PDK1: variants seen among roughly 807,000 people sequenced by gnomAD.
PDK1 encodes the protein pyruvate dehydrogenase kinase 1.
PDK1 carries 39 observed loss-of-function variants against 54.2 expected under a neutral mutation model. The ratio of observed to expected loss-of-function variants is 0.72; its 90% CI spans 0.56 to 0.94. PDK1 has a LOEUF of 0.94. Ranked by LOEUF, PDK1 falls within the 40% of genes least tolerant of loss-of-function variation. The pLI, the probability that PDK1 is intolerant of heterozygous loss-of-function variation, is 0.00. For synonymous variants in PDK1, 221 were observed against 207.1 expected, an observed-to-expected ratio of 1.07 and a Z score of -0.58; for missense variants, 552 against 566.0, an observed-to-expected ratio of 0.98 and a Z score of 0.25.
At chr2:172,582,099 G>A (rs192707712) in intron 8 of PDK1, among the ~76,000 whole-genome samples, 1 of 152,224 alleles carries the variant, frequency 6.6e-6, no homozygotes, top group Non-Finnish European at 1.5e-5. Context: ...TTTTAGTAGA[G>A]ACAGAGTTTC....
chr2:172,570,364 T>A (rs57418091), intron 7 of PDK1, among the ~76,000 whole-genome samples: 10,815 of 152,278 alleles, frequency 0.071, 1,247 homozygotes, highest in East Asian at 0.54. Context: ...GACAGTTTTT[T>A]AAATAGTTCT....
intron 2 of PDK1, among the ~76,000 whole-genome samples, chr2:172,560,115 G>A (rs552455057): frequency 2.0e-4 from 31 of 152,288 alleles, no homozygotes; most frequent in African/African-American, 6.3e-4. Context: ...AAAGTGCAGG[G>A]ATTATGGGCA....
the PDK1 span, among the ~76,000 whole-genome samples, chr2:172,643,136 T>G: frequency 1.3e-5 from 2 of 152,198 alleles, no homozygotes; most frequent in East Asian, 1.9e-4. Context: ...TAGTTCTTTT[T>G]GGAATGTCAT....
the PDK1 span, among the ~76,000 whole-genome samples, chr2:172,686,176 A>G: frequency 6.6e-6 from 1 of 152,240 alleles, no homozygotes; most frequent in Non-Finnish European, 1.5e-5. Context: ...AAGGATATCA[A>G]CAGGAATCGT....
chr2:172,651,888 T>C, the PDK1 span, among the ~76,000 whole-genome samples: 18,469 of 151,566 alleles, frequency 0.12, 1,047 homozygotes, highest in East Asian at 0.49. Flanking sequence ...CTACCAGTGG[T>C]ATGAGGAAGA....
the PDK1 span, among the ~76,000 whole-genome samples, chr2:172,667,450 A>T: frequency 6.6e-6 from 1 of 152,322 alleles, no homozygotes; most frequent in African/African-American, 2.4e-5. Context: ...CAAATAAAGA[A>T]GGTGATTGGT....
At position 172,604,585 on chromosome 2, in the gene PDK1, T is replaced by C. The variant is rs1275915798; in HGVS notation, c.*8616T>C. On this transcript the variant is annotated 3_prime_UTR_variant, in exon 11 of 11. Transcript: ENST00000282077. ...CAGAAAAATCATGGCCTCTGGAGTT[T>C]TACTGAGGACTAGAGATAGCTAAGT... is the stretch of plus-strand genomic sequence containing the variant. 1 of 152,236 alleles carries C rather than the reference T, an allele frequency of 6.6e-6. No homozygotes were observed. The highest frequency in any genetic ancestry group is 1.5e-5 in the Non-Finnish European group (1 of 68,042). The allele number at this position is 152,236 out of a possible 1,614,324, so 9.4% of individuals were successfully genotyped here. A position where few individuals can be genotyped will look rare whatever the true frequency, so the allele number is the denominator to read the frequency against.
At chr2:172,660,325 C>T in the PDK1 span, among the ~76,000 whole-genome samples, 9 of 122,062 alleles carry the variant, frequency 7.4e-5, no homozygotes, top group East Asian at 2.6e-4. Flanking sequence ...GGCATGATCT[C>T]GGCTCACTGC....
intron 8 of PDK1, among the ~76,000 whole-genome samples, chr2:172,581,948 T>G (rs192207236): frequency 6.6e-6 from 1 of 152,292 alleles, no homozygotes; most frequent in Non-Finnish European, 1.5e-5. Context: ...AGTGTTATTC[T>G]GTTACCCAGG....
At chr2:172,571,242 T>C (rs1020829659) in intron 8 of PDK1, among the ~76,000 whole-genome samples, 1 of 152,192 alleles carries the variant, frequency 6.6e-6, no homozygotes, top group Non-Finnish European at 1.5e-5. Flanking sequence ...CTTTTACAGG[T>C]GTGGAGACTA....
At chr2:172,560,967 A>G (rs1224983794) in intron 2 of PDK1, among the ~76,000 whole-genome samples, 2 of 152,234 alleles carry the variant, frequency 1.3e-5, no homozygotes, top group African/African-American at 4.8e-5. Flanking sequence ...TTTTGTAAGC[A>G]TTATAGCGTA....
intron 2 of PDK1, among the ~76,000 whole-genome samples, chr2:172,559,874 T>A (rs922630110): frequency 6.6e-6 from 1 of 152,024 alleles, no homozygotes; most frequent in African/African-American, 2.4e-5. Context: ...GACAGGTTCT[T>A]ACTCTGTCAC....
At chr2:172,703,750 TTTTC>T in the PDK1 span, among the ~76,000 whole-genome samples, 6 of 143,844 alleles carry the variant, frequency 4.2e-5, no homozygotes, top group South Asian at 2.2e-4. Context: ...CTTTTTTTCT[TTTTC>T]TTTCTTTCTT....
At chr2:172,693,640 C>A in the PDK1 span, among the ~76,000 whole-genome samples, 1 of 152,136 alleles carries the variant, frequency 6.6e-6, no homozygotes, top group Non-Finnish European at 1.5e-5. Flanking sequence ...GGGCAGAGGA[C>A]AAACCTGTTT....
At chr2:172,583,132 G>A (rs188806395) in intron 8 of PDK1, among the ~76,000 whole-genome samples, 157 of 152,132 alleles carry the variant, frequency 1.0e-3, no homozygotes, top group African/African-American at 3.7e-3. Flanking sequence ...ACTAGCAAAT[G>A]TGCAGCAGAG....
chr2:172,668,362 T>C, the PDK1 span, among the ~76,000 whole-genome samples: 1 of 151,892 alleles, frequency 6.6e-6, no homozygotes, highest in Non-Finnish European at 1.5e-5. Flanking sequence ...TTCCCACTTA[T>C]ATCTCTACTT....
rs770913335 is a variant in PDK1 at position 172,595,836 on chromosome 2, C to T, written c.1178C>T (p.Ser393Leu). The T allele has an allele frequency of 3.7e-6, 6 of 1,613,552 alleles. No individual in the cohort carries two copies. Among genetic ancestry groups the T allele is most frequent in the Non-Finnish European group, 5.1e-6 (6 of 1,179,618 alleles). The change falls in exon 11 of 11, where the codon TCA becomes TTA. Residue 393 changes from serine to leucine, a missense_variant. Ser to Leu is a moderately radical substitution (Grantham distance 145, BLOSUM62 -2). Coordinates refer to ENST00000282077, the MANE Select transcript of PDK1 (RefSeq NM_002610.5). The part of the protein sequence containing the change: ...TDAVIYIKAL[S>L]TDSIERLPVY... ...TAGGTTTTTCTTTTTCAGGCTCTGTCAACAGACTCAATAGAAAGACTCCCA... is the reference window on the plus strand; with the variant it reads ...TAGGTTTTTCTTTTTCAGGCTCTGTTAACAGACTCAATAGAAAGACTCCCA...
At chr2:172,591,081 G>A (rs1440294156) in intron 9 of PDK1, among the ~76,000 whole-genome samples, 1 of 152,150 alleles carries the variant, frequency 6.6e-6, no homozygotes, top group African/African-American at 2.4e-5. Context: ...GTCAGTCCAG[G>A]GGTCCTTGAT....
rs61740556 is a variant in PDK1, at chr2:172,564,618, A to C, written c.526A>C (p.Asn176His). The C allele has an allele frequency of 3.3e-4, 529 of 1,614,024 alleles. 2 individuals are homozygous for C. Among genetic ancestry groups the C allele is most frequent in the Non-Finnish European group, 6.4e-5 (76 of 1,180,006 alleles). The change falls in exon 4 of 11, where the codon AAT becomes CAT. Residue 176 changes from asparagine (N) to histidine (H), a missense_variant. Coordinates refer to ENST00000282077, the MANE Select transcript of PDK1 (RefSeq NM_002610.5). Reference sequence around the variant, plus strand: ...TGGGGTGGATCCTGTCACCAGCCAGAATGTTCAGTACTTTTTGGATCGATT... The same window carrying C: ...TGGGGTGGATCCTGTCACCAGCCAGCATGTTCAGTACTTTTTGGATCGATT... Reference protein sequence around the residue: ...SFGVDPVTSQNVQYFLDRFYM... With the variant: ...SFGVDPVTSQHVQYFLDRFYM...
Sources: gnomAD v4.1 joint callset for allele counts (sites outside exome capture counted in the v4.1 genomes callset) on GRCh38, gnomAD v4.1.1 for gene constraint, MANE v1.5 for transcripts, NCBI Gene and HGNC (gene_info 2026-07-23, HGNC 2026-07-21) for gene names.